Variants in MSI1 observed in about 807,000 individuals in gnomAD.
MSI1 encodes musashi RNA binding protein 1.
In MSI1, 15 loss-of-function variants were observed where a neutral mutation model predicts 54.4. The observed-to-expected ratio is 0.28, with a 90% CI of 0.18 to 0.42. The LOEUF (loss-of-function observed/expected upper bound fraction) is 0.42. Among genes scored for constraint, MSI1 ranks in the 20% least tolerant of loss-of-function variants. The pLI is 1.00. For synonymous variants in MSI1, 200 were observed against 196.5 expected, an observed-to-expected ratio of 1.02 and a Z score of -0.15; for missense variants, 304 against 506.0, an observed-to-expected ratio of 0.60 and a Z score of 3.83.
Position 120,364,764 on chromosome 12 carries a change from A to G in MSI1, c.268-9T>C. 1.3e-6 allele frequency: 2 copies of G among 1,599,686 alleles called. No individual in the cohort carries two copies. Among genetic ancestry groups the G allele is most frequent in the Non-Finnish European group, 1.7e-6 (2 of 1,173,270 alleles). On this transcript the variant is annotated splice_polypyrimidine_tract_variant and intron_variant, in intron 4 of 14. Transcript: ENST00000257552. Reference sequence around the variant, plus strand: ...GCCACCTTAGGGTCAATCTACAAGAAAAGGGAGAGGTAGAAGGGGTCTTGG... The same window carrying G: ...GCCACCTTAGGGTCAATCTACAAGAGAAGGGAGAGGTAGAAGGGGTCTTGG...
chr12:120,365,925 G>A (rs1409535211), intron 4 of MSI1, among the ~76,000 whole-genome samples: 2 of 152,148 alleles, frequency 1.3e-5, no homozygotes, highest in Non-Finnish European at 2.9e-5. Context: ...GGGTGAAAGC[G>A]GCCCTTTGTG....
rs1020573942 is a variant in MSI1, at chr12:120,368,326, C to G, written c.101-53G>C. On this transcript the variant is annotated intron_variant, in intron 2 of 14. Coordinates refer to ENST00000257552, the MANE Select transcript of MSI1 (RefSeq NM_002442.4). This position sits in a 1 kb window ranked among gnomAD's most constrained non-coding sequence, Gnocchi z 6.6. ...AGCCCGGGCCCCGCGCCCTTCCCCC[C>G]CCCCCGTCCTTTGCCCCCGGTGACC... 45 of 1,522,504 alleles carry G rather than the reference C, an allele frequency of 3.0e-5. No homozygotes were observed. Among genetic ancestry groups the G allele is most frequent in the Admixed American group, 2.2e-4 (11 of 49,680 alleles). The allele number at this position is 1,522,504 out of a possible 1,614,324, so 94.3% of individuals were successfully genotyped here.
Position 120,347,489 on chromosome 12 carries a change from T to C in MSI1, c.816A>G (p.Pro272=). 1.2e-6 allele frequency: 2 copies of C among 1,614,076 alleles called. No individual in the cohort carries two copies. Among genetic ancestry groups the C allele is most frequent in the South Asian group, 1.1e-5 (1 of 91,086 alleles). Reference sequence around the variant, plus strand: ...CCGCTGCCGCCGCTGCCGCCGCCATTGGTCCGTAGGCAGTGAGAGGAATGG... The same window carrying C: ...CCGCTGCCGCCGCTGCCGCCGCCATCGGTCCGTAGGCAGTGAGAGGAATGG... The part of the protein sequence containing the change: ...LTAIPLTAYG[P]MAAAAAAAAV... Residue 272 remains proline, a synonymous_variant, in exon 12 of 15, where the codon CCA becomes CCG. Coordinates refer to ENST00000257552, the MANE Select transcript of MSI1 (RefSeq NM_002442.4).
intron 4 of MSI1, among the ~76,000 whole-genome samples, chr12:120,367,765 C>T (rs1051194755): frequency 2.0e-5 from 3 of 152,022 alleles, no homozygotes; most frequent in Non-Finnish European, 2.9e-5. Context: ...TGGCGGCTGC[C>T]TCTCCCCTCA....
At position 120,351,388 on chromosome 12, in the gene MSI1, T is replaced by A. The variant is rs1874585826; in HGVS notation, c.746A>T (p.Glu249Val). 6.2e-7 allele frequency: 1 copy of A among 1,613,282 alleles called. No homozygotes were observed. The highest frequency in any genetic ancestry group is 8.5e-7 in the Non-Finnish European group (1 of 1,179,884). The change falls in exon 11 of 15, where the codon GAG becomes GTG. Residue 249 changes from glutamate to valine, a missense_variant. Physicochemically the swap from Glu to Val is moderately radical, Grantham distance 121 (BLOSUM62 -2). This residue lies in a region of MSI1 where 147 missense variants were observed against 231.5 expected (regional missense o/e 0.64). Transcript: ENST00000257552. Reference protein sequence around the residue: ...YTYQFPEFRVERTPLPSAPVL... With the variant: ...YTYQFPEFRVVRTPLPSAPVL... ...TGGGGCGCTCGGGAGAGGGGTCCGC[T>A]CTACACGGAATTCTAAAATGAAACG...
intron 8 of MSI1, 101 bp from the exon 9 acceptor site, chr12:120,357,120 C>T: frequency 1.8e-6 from 2 of 1,082,492 alleles, no homozygotes; most frequent in South Asian, 1.3e-5. Context: ...ATTTCACTGT[C>T]CAGCTGAAAA....
downstream of MSI1, among the ~76,000 whole-genome samples, chr12:120,340,108 A>G (rs1218914634): frequency 4.3e-5 from 6 of 139,450 alleles, no homozygotes; most frequent in African/African-American, 1.6e-4. Context: ...TTTTTCTTTG[A>G]GACAGTCTCA....
chr12:120,345,668 GAA>G (rs759795390), intron 13 of MSI1, 36 bp from the exon 14 acceptor site: 33 of 1,611,706 alleles, frequency 2.0e-5, no homozygotes, highest in Admixed American at 8.3e-5. Flanking sequence ...AGATTCCTGG[GAA>G]ATAGAGGAAG....
At position 120,356,972 on chromosome 12, in the gene MSI1, G is replaced by A. The variant is rs1250417555; in HGVS notation, c.582C>T (p.Gly194=). 1 of 1,614,146 alleles carries A rather than the reference G, an allele frequency of 6.2e-7. No individual in the cohort carries two copies. The highest frequency in any genetic ancestry group is 8.5e-7 in the Non-Finnish European group (1 of 1,180,060). ...TGACTCGAGACCTCCCCCGGGCTGA[G>A]CCCGTTGGCGACATCACCTCCTTTG... ...AQPKEVMSPT[G]SARGRSRVMP... is the part of the protein sequence containing the mutation. Residue 194 remains glycine (G), a synonymous_variant, in exon 9 of 15, where the codon GGC becomes GGT. Coordinates refer to ENST00000257552, the MANE Select transcript of MSI1 (RefSeq NM_002442.4).
chr12:120,354,050 T>C (rs559971624), intron 9 of MSI1, among the ~76,000 whole-genome samples: 115 of 152,168 alleles, frequency 7.6e-4, no homozygotes, highest in Non-Finnish European at 1.3e-3. Flanking sequence ...AGTGGTACAA[T>C]TGTAGGTCAC....
intron 10 of MSI1, among the ~76,000 whole-genome samples, chr12:120,352,707 G>A (rs1394690081): frequency 6.6e-6 from 1 of 151,458 alleles, no homozygotes; most frequent in Admixed American, 6.6e-5. Context: ...CCTTGCAAAA[G>A]TTTGTATTTC....
intron 14 of MSI1, among the ~76,000 whole-genome samples, chr12:120,344,762 C>T (rs1873970394): frequency 6.6e-6 from 1 of 151,664 alleles, no homozygotes. Context: ...AATCCCAGCA[C>T]TTTGGGAGGC....
chr12:120,362,834 C>A (rs1034256607), intron 6 of MSI1, among the ~76,000 whole-genome samples: 1 of 152,208 alleles, frequency 6.6e-6, no homozygotes, highest in African/African-American at 2.4e-5. Context: ...TGTGTGGCTT[C>A]TCTGTCCCGA....
At chr12:120,344,622 G>A (rs963064304) in intron 14 of MSI1, among the ~76,000 whole-genome samples, 2 of 151,996 alleles carry the variant, frequency 1.3e-5, no homozygotes, top group African/African-American at 4.8e-5. Context: ...GGTGGAGGAT[G>A]GCTTGAGCCT....
In MSI1 at chr12:120,351,369, G is replaced by A. The variant is rs773177000; in HGVS notation, c.765C>T (p.Ser255=). ...EFRVERTPLP[S]APVLPELTAI... ...CTGTAAGCTCGGGGAGGACTGGGGC[G>A]CTCGGGAGAGGGGTCCGCTCTACAC... is the stretch of plus-strand genomic sequence containing the variant. The change falls in exon 11 of 15, where the codon AGC becomes AGT. Residue 255 remains serine (S), a synonymous_variant. Coordinates refer to ENST00000257552, the MANE Select transcript of MSI1 (RefSeq NM_002442.4). 3.0e-5 allele frequency: 48 copies of A among 1,613,458 alleles called. No individual in the cohort carries two copies. Among genetic ancestry groups the A allele is most frequent in the Non-Finnish European group, 3.4e-5 (40 of 1,179,896 alleles).
rs555470172 is a variant in MSI1, at chr12:120,357,882, C to T, written c.468G>A (p.Thr156=). 7 of 1,614,166 alleles carry T rather than the reference C, an allele frequency of 4.3e-6. No homozygotes were observed. Among genetic ancestry groups the T allele is most frequent in the Admixed American group, 1.7e-5 (1 of 60,026 alleles). ...TCTCCACGATGTCCTCACTCTCAAACGTGACAAACCCGAACCCTAGAGGTT... is the reference window on the plus strand; with the variant it reads ...TCTCCACGATGTCCTCACTCTCAAATGTGACAAACCCGAACCCTAGAGGTT... The part of the protein sequence containing the change: ...TNRHRGFGFV[T]FESEDIVEKV... Residue 156 remains threonine, a synonymous_variant, in exon 8 of 15, where the codon ACG becomes ACA. Transcript: ENST00000257552.
chr12:120,357,490 C>T (rs963710583), intron 8 of MSI1, among the ~76,000 whole-genome samples: 15 of 152,158 alleles, frequency 9.9e-5, no homozygotes, highest in Non-Finnish European at 4.4e-5. Flanking sequence ...TCCCAACTCA[C>T]CATGTTTTTG....
At chr12:120,365,741 T>TCGGTGA (rs1384681762) in intron 4 of MSI1, among the ~76,000 whole-genome samples, 16 of 152,130 alleles carry the variant, frequency 1.1e-4, no homozygotes, top group Non-Finnish European at 1.5e-4. Flanking sequence ...AGTGCAGTCT[T>TCGGTGA]CGGTGACGTG....
At chr12:120,362,190 C>T (rs1201165233) in intron 6 of MSI1, among the ~76,000 whole-genome samples, 1 of 152,050 alleles carries the variant, frequency 6.6e-6, no homozygotes, top group Non-Finnish European at 1.5e-5. Context: ...GCCCATTTCC[C>T]AGGCCACGTC....
Sources: gnomAD v4.1 joint callset for allele counts (sites outside exome capture counted in the v4.1 genomes callset) on GRCh38, gnomAD v4.1.1 for gene constraint, gnomAD v4.1.1 regional missense constraint, Gnocchi (gnomAD v3.1) non-coding constraint, MANE v1.5 for transcripts, NCBI Gene and HGNC (gene_info 2026-07-23, HGNC 2026-07-21) for gene names.